The following LOC122539214 variants were observed in gnomAD, a reference collection of about 807,000 sequenced individuals.
At chr19:52,666,446 A>G in the LOC122539214 span, among the ~76,000 whole-genome samples, 7 of 152,268 alleles carry the variant, frequency 4.6e-5, no homozygotes, top group East Asian at 1.4e-3. Context: ...CACTGAGGCC[A>G]CTGACAACCC....
the LOC122539214 span, among the ~76,000 whole-genome samples, chr19:52,684,823 G>A: frequency 1.3e-5 from 2 of 152,172 alleles, no homozygotes; most frequent in East Asian, 1.9e-4. Flanking sequence ...GGGGCAGAGG[G>A]AGTCATGAGA....
chr19:52,659,428 A>G, the LOC122539214 span, among the ~76,000 whole-genome samples: 2 of 152,208 alleles, frequency 1.3e-5, no homozygotes, highest in Admixed American at 6.5e-5. Context: ...GAAACGGTAT[A>G]TAAAAATGTT....
the LOC122539214 span, among the ~76,000 whole-genome samples, chr19:52,671,498 C>T: frequency 6.6e-6 from 1 of 151,930 alleles, no homozygotes; most frequent in South Asian, 2.1e-4. Flanking sequence ...GGCTGGAATG[C>T]AGTGGCAGGA....
chr19:52,671,890 T>A, the LOC122539214 span, among the ~76,000 whole-genome samples: 1 of 152,210 alleles, frequency 6.6e-6, no homozygotes, highest in African/African-American at 2.4e-5. Flanking sequence ...TAAGAATACA[T>A]TGCAGTCAAG....
At chr19:52,665,064 C>T in the LOC122539214 span, among the ~76,000 whole-genome samples, 2 of 152,164 alleles carry the variant, frequency 1.3e-5, no homozygotes, top group East Asian at 3.8e-4. Context: ...AAAGTCCTGC[C>T]TGAGCCAAAT....
the LOC122539214 span, among the ~76,000 whole-genome samples, chr19:52,687,602 T>A: frequency 1.2e-3 from 47 of 38,900 alleles, 14 homozygotes; most frequent in African/African-American, 6.5e-3. Context: ...ATATAATGTA[T>A]ATATATATAA....
chr19:52,651,869 C>A, the LOC122539214 span: 1 of 163,814 alleles, frequency 6.1e-6, no homozygotes. Flanking sequence ...GCACCCTGCC[C>A]ATTCTTCTTG....
chr19:52,658,764 C>G, the LOC122539214 span, among the ~76,000 whole-genome samples: 3 of 152,120 alleles, frequency 2.0e-5, no homozygotes, highest in African/African-American at 7.2e-5. Flanking sequence ...GTTTACCCTA[C>G]CTCCATTAAC....
At chr19:52,657,575 C>T in the LOC122539214 span, among the ~76,000 whole-genome samples, 1 of 152,142 alleles carries the variant, frequency 6.6e-6, no homozygotes, top group South Asian at 2.1e-4. Context: ...GGGCCAGGCA[C>T]AGTAGCTCAT....
chr19:52,684,372 T>A, the LOC122539214 span, among the ~76,000 whole-genome samples: 1 of 150,992 alleles, frequency 6.6e-6, no homozygotes, highest in Non-Finnish European at 1.5e-5. Flanking sequence ...AAATAAAATA[T>A]AATAAAATAA....
chr19:52,655,472 C>G, the LOC122539214 span: 5 of 1,228,158 alleles, frequency 4.1e-6, no homozygotes, highest in African/African-American at 6.0e-5. Flanking sequence ...AGCATGTATG[C>G]GGCAAAATCA....
the LOC122539214 span, among the ~76,000 whole-genome samples, chr19:52,658,513 CGA>C: frequency 6.6e-6 from 1 of 152,010 alleles, no homozygotes; most frequent in Non-Finnish European, 1.5e-5. Flanking sequence ...TGGAGTAAGC[CGA>C]GATTGCACCA....
the LOC122539214 span, among the ~76,000 whole-genome samples, chr19:52,662,049 G>A: frequency 2.0e-5 from 3 of 148,282 alleles, no homozygotes; most frequent in Non-Finnish European, 4.4e-5. Context: ...AGATCAGGGA[G>A]GTCCTGGGAG....
chr19:52,688,110 AACATGTC>A, the LOC122539214 span, among the ~76,000 whole-genome samples: 1 of 152,086 alleles, frequency 6.6e-6, no homozygotes, highest in African/African-American at 2.4e-5. Flanking sequence ...CACAGAAGTC[AACATGTC>A]ACAACTAATC....
the LOC122539214 span, among the ~76,000 whole-genome samples, chr19:52,674,810 G>A: frequency 1.2e-4 from 18 of 152,240 alleles, no homozygotes; most frequent in South Asian, 2.3e-3. Context: ...ACTTAATCTC[G>A]TTAAATGATT....
At chr19:52,673,194 G>A in the LOC122539214 span, among the ~76,000 whole-genome samples, 1 of 152,012 alleles carries the variant, frequency 6.6e-6, no homozygotes, top group Non-Finnish European at 1.5e-5. Context: ...GTGCGAAAGA[G>A]CTGGACTCCA....
the LOC122539214 span, chr19:52,653,430 G>A: frequency 2.5e-6 from 2 of 801,214 alleles, no homozygotes; most frequent in East Asian, 3.4e-5. Flanking sequence ...CTCTGTTATG[G>A]CGTGAAAGGC....
At chr19:52,682,396 G>T in the LOC122539214 span, among the ~76,000 whole-genome samples, 1 of 151,926 alleles carries the variant, frequency 6.6e-6, no homozygotes, top group Admixed American at 6.6e-5. Flanking sequence ...AATAATTCTG[G>T]AAGTGGTGGC....
the LOC122539214 span, among the ~76,000 whole-genome samples, chr19:52,676,309 G>A: frequency 6.6e-6 from 1 of 152,198 alleles, no homozygotes; most frequent in African/African-American, 2.4e-5. Context: ...CTGGAGTGCA[G>A]TGGCCTGATC....
Sources: allele counts gnomAD v4.1 joint callset (sites outside exome capture counted in the v4.1 genomes callset), GRCh38; gene constraint gnomAD v4.1.1; transcripts MANE v1.5.